Variants in ZNF362 observed in about 807,000 individuals in gnomAD.
The protein encoded by ZNF362 is rotund homolog.
ZNF362 carries 11 observed loss-of-function variants against 42.9 expected under a neutral mutation model. That is an observed-to-expected ratio of 0.26 (90% confidence interval 0.16 to 0.42). The LOEUF (loss-of-function observed/expected upper bound fraction) is 0.42, where lower values mean the gene tolerates loss of function less well. Among genes scored for constraint, ZNF362 ranks in the 20% least tolerant of loss-of-function variants. The probability of loss-of-function intolerance (pLI) is 1.00; values close to 1 mark genes in which losing one functional copy is unlikely to be tolerated. For synonymous variants in ZNF362, 255 were observed against 257.3 expected, an observed-to-expected ratio of 0.99 and a Z score of 0.09; for missense variants, 362 against 576.2, an observed-to-expected ratio of 0.63 and a Z score of 3.81.
chr1:33,138,685 C>T, the ZNF362 span, among the ~76,000 whole-genome samples: 1 of 151,204 alleles, frequency 6.6e-6, no homozygotes, highest in South Asian at 2.1e-4. Context: ...CCTCAAAATG[C>T]TAGCAGCAGT....
the ZNF362 span, among the ~76,000 whole-genome samples, chr1:33,234,778 G>A: frequency 6.6e-6 from 1 of 152,190 alleles, no homozygotes; most frequent in Non-Finnish European, 1.5e-5. Flanking sequence ...ATGGGGTCGG[G>A]TCCACGTACT....
At chr1:33,153,878 A>G in the ZNF362 span, among the ~76,000 whole-genome samples, 1 of 152,164 alleles carries the variant, frequency 6.6e-6, no homozygotes, top group Non-Finnish European at 1.5e-5. Flanking sequence ...AGCTGCTGGG[A>G]GTGAATCAGA....
At chr1:33,265,416 G>GC (rs1011947308) in intron 1 of ZNF362, among the ~76,000 whole-genome samples, 10 of 152,120 alleles carry the variant, frequency 6.6e-5, no homozygotes, top group Admixed American at 1.3e-4. Flanking sequence ...GATTAGCCCT[G>GC]CCATCACAAT....
chr1:33,142,599 C>G, the ZNF362 span: 1 of 152,240 alleles, frequency 6.6e-6, no homozygotes, highest in Non-Finnish European at 1.5e-5. Context: ...TGGGGCCTTT[C>G]TAACTCCACC....
the ZNF362 span, among the ~76,000 whole-genome samples, chr1:33,190,413 A>G: frequency 6.6e-6 from 1 of 152,142 alleles, no homozygotes; most frequent in Non-Finnish European, 1.5e-5. Context: ...TGTCACCATT[A>G]AGAAACAGTA....
At chr1:33,267,740 A>G (rs185433514) in intron 1 of ZNF362, among the ~76,000 whole-genome samples, 13 of 152,352 alleles carry the variant, frequency 8.5e-5, no homozygotes, top group Admixed American at 8.5e-4. Flanking sequence ...GACACCAGGT[A>G]ACATGACTTA....
At chr1:33,198,779 A>T in the ZNF362 span, among the ~76,000 whole-genome samples, 1 of 152,210 alleles carries the variant, frequency 6.6e-6, no homozygotes, top group Non-Finnish European at 1.5e-5. Context: ...ACTGAATTCC[A>T]TATGTTCAAA....
At chr1:33,218,855 T>C in the ZNF362 span, among the ~76,000 whole-genome samples, 2 of 151,800 alleles carry the variant, frequency 1.3e-5, no homozygotes, top group Non-Finnish European at 2.9e-5. Flanking sequence ...CAGTTCTGCC[T>C]CTGGTCAGTG....
At chr1:33,135,448 G>A in the ZNF362 span, among the ~76,000 whole-genome samples, 1 of 152,192 alleles carries the variant, frequency 6.6e-6, no homozygotes. Context: ...GCACGTGGCA[G>A]TCCCTCAATA....
chr1:33,288,765 AGCGTGACCACCTAGAGTC>A (rs1646052040), intron 6 of ZNF362, among the ~76,000 whole-genome samples: 1 of 133,618 alleles, frequency 7.5e-6, no homozygotes, highest in Non-Finnish European at 1.7e-5. Flanking sequence ...AAAAAAAAGA[AGCGTGACCACCTAGAGTC>A]AGGGGTGGAC....
At chr1:33,215,150 A>G in the ZNF362 span, among the ~76,000 whole-genome samples, 2 of 152,228 alleles carry the variant, frequency 1.3e-5, no homozygotes, top group Admixed American at 1.3e-4. Flanking sequence ...ACACAGTGGA[A>G]TATTATTCAT....
chr1:33,236,877 C>G, the ZNF362 span, among the ~76,000 whole-genome samples: 1 of 151,904 alleles, frequency 6.6e-6, no homozygotes. Context: ...TCGAGACCAG[C>G]CTGGTCAACA....
the ZNF362 span, among the ~76,000 whole-genome samples, chr1:33,160,520 T>G: frequency 3.9e-5 from 6 of 152,136 alleles, no homozygotes; most frequent in African/African-American, 1.4e-4. Context: ...TTCTCCAGCC[T>G]CAGCCTCCCT....
chr1:33,189,653 A>ATATATATATGTATATATATACG, the ZNF362 span, among the ~76,000 whole-genome samples: 5 of 14,934 alleles, frequency 3.3e-4, no homozygotes, highest in Admixed American at 9.3e-4. Context: ...ATATATATAT[A>ATATATATATGTATATATATACG]TATATATATA....
At chr1:33,150,013 A>G in the ZNF362 span, among the ~76,000 whole-genome samples, 41 of 152,288 alleles carry the variant, frequency 2.7e-4, 1 homozygote, top group African/African-American at 9.9e-4. Flanking sequence ...GGCTGGCCAC[A>G]CCGGCTTAGC....
chr1:33,160,954 C>T, the ZNF362 span, among the ~76,000 whole-genome samples: 1 of 152,182 alleles, frequency 6.6e-6, no homozygotes, highest in Non-Finnish European at 1.5e-5. Context: ...CTGTGAGGCT[C>T]AGGAAGGGTG....
the ZNF362 span, among the ~76,000 whole-genome samples, chr1:33,217,311 C>A: frequency 6.6e-6 from 1 of 152,126 alleles, no homozygotes; most frequent in East Asian, 1.9e-4. Flanking sequence ...GGTTTTGGTG[C>A]CCAATTCAGC....
At chr1:33,216,569 C>T in the ZNF362 span, among the ~76,000 whole-genome samples, 1 of 117,230 alleles carries the variant, frequency 8.5e-6, no homozygotes, top group African/African-American at 3.1e-5. Context: ...CATTGCACTC[C>T]AGCGTGGGCC....
chr1:33,238,508 G>C, the ZNF362 span, among the ~76,000 whole-genome samples: 1 of 152,120 alleles, frequency 6.6e-6, no homozygotes, highest in Non-Finnish European at 1.5e-5. Context: ...TGAGGAAAGT[G>C]AGGTGCTGTG....
Sources: gnomAD v4.1 joint callset for allele counts (sites outside exome capture counted in the v4.1 genomes callset) on GRCh38, gnomAD v4.1.1 for gene constraint, MANE v1.5 for transcripts, NCBI Gene and HGNC (gene_info 2026-07-23, HGNC 2026-07-21) for gene names.